Variants in WWOX observed in about 807,000 individuals in gnomAD.
The protein encoded by WWOX is WW domain-containing oxidoreductase.
In WWOX, 69 loss-of-function variants were observed where a neutral mutation model predicts 46.2. The ratio of observed to expected loss-of-function variants is 1.49; its 90% confidence interval spans 1.23 to 1.82. WWOX has a LOEUF of 1.82. WWOX is among the 40% of genes most tolerant of loss of function. The pLI is 0.00. For missense variants in WWOX, 919 were observed against 542.6 expected (o/e 1.69, Z -6.89); for synonymous variants, 359 against 202.6 (o/e 1.77, Z -6.56).
intron 8 of WWOX, among the ~76,000 whole-genome samples, chr16:78,443,183 T>C (rs1461318711): frequency 2.0e-5 from 3 of 147,756 alleles, no homozygotes; most frequent in Non-Finnish European, 3.0e-5. Flanking sequence ...CTCGTGTCTA[T>C]TGTCCCAGCT....
chr16:78,202,542 T>C (rs1158610374), intron 5 of WWOX, among the ~76,000 whole-genome samples: 4 of 152,242 alleles, frequency 2.6e-5, no homozygotes, highest in African/African-American at 9.6e-5. Context: ...TGTTGATCTG[T>C]TTGTCAGATC....
chr16:78,775,716 C>A (rs1235966730), intron 8 of WWOX, among the ~76,000 whole-genome samples: 1 of 152,188 alleles, frequency 6.6e-6, no homozygotes. Context: ...GGTGTTCATT[C>A]AATGGTGGGT....
At chr16:78,737,395 C>T (rs1034491212) in intron 8 of WWOX, among the ~76,000 whole-genome samples, 1 of 152,058 alleles carries the variant, frequency 6.6e-6, no homozygotes, top group Admixed American at 6.5e-5. Flanking sequence ...CCTCAGCCTC[C>T]CAAAGTGCTG....
At chr16:78,315,151 T>G (rs1444640415) in intron 5 of WWOX, among the ~76,000 whole-genome samples, 2 of 152,232 alleles carry the variant, frequency 1.3e-5, no homozygotes, top group East Asian at 3.8e-4. Context: ...GCAAATTTTC[T>G]TATGTAAGAA....
At chr16:78,352,009 G>T (rs1395024415) in intron 5 of WWOX, among the ~76,000 whole-genome samples, 1 of 152,122 alleles carries the variant, frequency 6.6e-6, no homozygotes, top group Non-Finnish European at 1.5e-5. Flanking sequence ...TCAAATGTTT[G>T]GTGGGAGCAG....
At chr16:78,949,431 AACCTGG>A (rs2046013943) in intron 8 of WWOX, among the ~76,000 whole-genome samples, 1 of 152,112 alleles carries the variant, frequency 6.6e-6, no homozygotes, top group Admixed American at 6.5e-5. Context: ...TTCCTCCTAC[AACCTGG>A]ACTTTTTCCT....
At chr16:78,839,141 A>T (rs964102274) in intron 8 of WWOX, among the ~76,000 whole-genome samples, 4 of 152,292 alleles carry the variant, frequency 2.6e-5, no homozygotes, top group African/African-American at 9.6e-5. Context: ...AAAAACTTTC[A>T]TTAAAATCAA....
At chr16:78,855,739 C>G (rs2052551126) in intron 8 of WWOX, among the ~76,000 whole-genome samples, 1 of 152,188 alleles carries the variant, frequency 6.6e-6, no homozygotes, top group African/African-American at 2.4e-5. Context: ...CGCACCACCT[C>G]TCCTAACTTC....
intron 4 of WWOX, among the ~76,000 whole-genome samples, chr16:78,122,679 A>G (rs1314563714): frequency 6.7e-6 from 1 of 150,328 alleles, no homozygotes; most frequent in African/African-American, 2.5e-5. Flanking sequence ...ATCTCAGCTC[A>G]CTGCAACCTC....
intron 4 of WWOX, among the ~76,000 whole-genome samples, chr16:78,149,338 G>A (rs539401960): frequency 2.0e-5 from 3 of 152,180 alleles, no homozygotes; most frequent in Non-Finnish European, 4.4e-5. Flanking sequence ...ATTGATGTTG[G>A]AAGAACATAG....
In WWOX at chr16:78,740,673, G is replaced by A. The variant is rs564715823; in HGVS notation, c.1056+307921G>A. Among the ~76,000 whole-genome samples, 12 of 152,252 alleles carry A rather than the reference G, an allele frequency of 7.9e-5. No individual in the cohort carries two copies. The South Asian group carries it at 2.5e-3, about 32-fold the overall frequency. ...GATTTGGCAAAAAGGTTAATGTGTT[G>A]TTATGGCTGCCAGTTGGCCGATTGA... On this transcript the variant is annotated intron_variant, in intron 8 of 8. Coordinates refer to ENST00000566780, the MANE Select transcript of WWOX (RefSeq NM_016373.4).
At chr16:78,731,839 C>CTTTTTTTTTT (rs1358966064) in intron 8 of WWOX, among the ~76,000 whole-genome samples, 1 of 111,498 alleles carries the variant, frequency 9.0e-6, no homozygotes, top group African/African-American at 5.3e-5. Flanking sequence ...AATTTTTTTT[C>CTTTTTTTTTT]TTTCTCTTTT....
In WWOX at chr16:78,324,814, G is replaced by C. The variant is rs371772599; in HGVS notation, c.517-62046G>C. Among the ~76,000 whole-genome samples, 308 of 152,128 alleles carry C rather than the reference G, an allele frequency of 2.0e-3. 1 individual carries two copies. Among genetic ancestry groups the C allele is most frequent in the African/African-American group, 7.0e-3 (292 of 41,496 alleles). ...GGGTGGGCGGGATAGGAGGGGTAGA[G>C]GTGAAGGTGATGAAAATGTTTTGCA... is the stretch of plus-strand genomic sequence containing the variant. On this transcript the variant is annotated intron_variant, in intron 5 of 8. Coordinates refer to ENST00000566780, the MANE Select transcript of WWOX (RefSeq NM_016373.4).
chr16:78,735,547 G>C (rs1182121907), intron 8 of WWOX, among the ~76,000 whole-genome samples: 2 of 152,176 alleles, frequency 1.3e-5, no homozygotes, highest in Non-Finnish European at 2.9e-5. Flanking sequence ...TTTATACTCA[G>C]CCATACAGAT....
At chr16:78,286,696 A>C (rs1243919902) in intron 5 of WWOX, among the ~76,000 whole-genome samples, 1 of 152,086 alleles carries the variant, frequency 6.6e-6, no homozygotes, top group Non-Finnish European at 1.5e-5. Context: ...AAAGCAGTAA[A>C]AAATAAAATA....
At chr16:79,202,193 T>C (rs80278246) in intron 8 of WWOX, among the ~76,000 whole-genome samples, 132 of 152,322 alleles carry the variant, frequency 8.7e-4, no homozygotes, top group African/African-American at 2.8e-3. Flanking sequence ...CTAAATTACT[T>C]AATCTCTGGC....
At chr16:79,043,991 C>G (rs913538468) in intron 8 of WWOX, among the ~76,000 whole-genome samples, 5 of 152,206 alleles carry the variant, frequency 3.3e-5, no homozygotes, top group Non-Finnish European at 7.3e-5. Context: ...CAATGAAACT[C>G]TCATTGATTA....
At chr16:79,026,420 G>T (rs774679832) in intron 8 of WWOX, among the ~76,000 whole-genome samples, 3 of 151,608 alleles carry the variant, frequency 2.0e-5, no homozygotes, top group Middle Eastern at 3.4e-3. Context: ...CACTTCCTTT[G>T]CTGTGGACTC....
chr16:78,690,506 C>A (rs1438823843), intron 8 of WWOX, among the ~76,000 whole-genome samples: 1 of 152,004 alleles, frequency 6.6e-6, no homozygotes, highest in East Asian at 1.9e-4. Context: ...GGGCCATGAT[C>A]GTGACACTGT....
Sources: allele counts gnomAD v4.1 joint callset (sites outside exome capture counted in the v4.1 genomes callset), GRCh38; gene constraint gnomAD v4.1.1; transcripts MANE v1.5; gene names NCBI Gene and HGNC (gene_info 2026-07-23, HGNC 2026-07-21).